The following PVT1 variants were observed in gnomAD, a reference collection of about 807,000 sequenced individuals.
PVT1 encodes Pvt1 oncogene, also known as CXCR4/PVT1 fusion.
At chr8:127,919,789 T>C (rs1816035238) in intron 3 of PVT1, among the ~76,000 whole-genome samples, 1 of 152,196 alleles carries the variant, frequency 6.6e-6, no homozygotes, top group South Asian at 2.1e-4. Flanking sequence ...AAGGAAAGCC[T>C]CCAAGCCCTC....
chr8:127,986,278 G>A (rs543038119), intron 3 of PVT1, among the ~76,000 whole-genome samples: 1 of 152,312 alleles, frequency 6.6e-6, no homozygotes, highest in Admixed American at 6.5e-5. Context: ...CGAACCTCCT[G>A]GGAGCCTTGG....
At chr8:127,872,992 G>A (rs1815369011) in intron 2 of PVT1, among the ~76,000 whole-genome samples, 1 of 152,188 alleles carries the variant, frequency 6.6e-6, no homozygotes, top group South Asian at 2.1e-4. Flanking sequence ...CCACTGAGCT[G>A]CTCTCTCCTA....
At chr8:127,856,275 G>A (rs1234814150) in intron 2 of PVT1, among the ~76,000 whole-genome samples, 1 of 151,938 alleles carries the variant, frequency 6.6e-6, no homozygotes, top group Non-Finnish European at 1.5e-5. Flanking sequence ...TGGGTGTCCT[G>A]GGAAGGCTTT....
At chr8:128,043,850 T>TTTTTA (rs1563673938) in intron 4 of PVT1, among the ~76,000 whole-genome samples, 2 of 146,820 alleles carry the variant, frequency 1.4e-5, no homozygotes, top group African/African-American at 5.0e-5. Context: ...TTTTTTTTTT[T>TTTTTA]AAAGACAGGG....
chr8:127,896,065 A>G (rs1047673049), intron 3 of PVT1, among the ~76,000 whole-genome samples: 3 of 152,342 alleles, frequency 2.0e-5, no homozygotes, highest in East Asian at 3.9e-4. Flanking sequence ...ACAAGATGCA[A>G]TATTTCTGTG....
chr8:127,819,626 C>A (rs577904414), intron 2 of PVT1, among the ~76,000 whole-genome samples: 2 of 152,240 alleles, frequency 1.3e-5, no homozygotes, highest in African/African-American at 2.4e-5. Context: ...ATGTGCAATG[C>A]GGAAGAGCCT....
intron 3 of PVT1, among the ~76,000 whole-genome samples, chr8:127,966,567 A>C (rs1229284521): frequency 2.0e-5 from 3 of 152,180 alleles, no homozygotes; most frequent in African/African-American, 7.2e-5. Flanking sequence ...AGCAGTGAAG[A>C]GCTTTCTGTA....
intron 4 of PVT1, among the ~76,000 whole-genome samples, chr8:128,021,038 C>A (rs1168712782): frequency 6.6e-6 from 1 of 152,092 alleles, no homozygotes; most frequent in Non-Finnish European, 1.5e-5. Context: ...TATTTCAGAC[C>A]CCCTGGGATG....
intron 3 of PVT1, among the ~76,000 whole-genome samples, chr8:127,956,497 G>GT (rs1816570394): frequency 1.3e-5 from 2 of 152,216 alleles, no homozygotes; most frequent in East Asian, 1.9e-4. Context: ...TTCTGTTTTT[G>GT]TTTTTTGAGA....
intron 4 of PVT1, among the ~76,000 whole-genome samples, chr8:128,039,012 G>A (rs1180364317): frequency 6.6e-6 from 1 of 152,184 alleles, no homozygotes; most frequent in Non-Finnish European, 1.5e-5. Context: ...GGAGGCAGAA[G>A]GAAGGGGAGG....
At chr8:127,817,401 A>AT (rs1295503292) in intron 2 of PVT1, among the ~76,000 whole-genome samples, 1 of 125,896 alleles carries the variant, frequency 7.9e-6, no homozygotes, top group Non-Finnish European at 1.6e-5. Flanking sequence ...AATATATATT[A>AT]AATAATATAT....
At chr8:128,012,396 T>C (rs1243504121) in intron 4 of PVT1, among the ~76,000 whole-genome samples, 1 of 152,330 alleles carries the variant, frequency 6.6e-6, no homozygotes, top group Non-Finnish European at 1.5e-5. Context: ...CAATATCCCC[T>C]TTAATGCTCA....
intron 4 of PVT1, among the ~76,000 whole-genome samples, chr8:128,025,420 C>T (rs1432829328): frequency 6.6e-6 from 1 of 152,158 alleles, no homozygotes; most frequent in Non-Finnish European, 1.5e-5. Context: ...GCAATGTGCA[C>T]AGAACAAACA....
At chr8:127,884,407 T>C (rs540240448) in intron 2 of PVT1, among the ~76,000 whole-genome samples, 18 of 152,240 alleles carry the variant, frequency 1.2e-4, no homozygotes, top group Non-Finnish European at 2.5e-4. Flanking sequence ...TGTTTGGCTG[T>C]TATGAATAGA....
chr8:127,892,100 C>T (rs993745505), intron 3 of PVT1, among the ~76,000 whole-genome samples: 2 of 152,268 alleles, frequency 1.3e-5, no homozygotes, highest in East Asian at 1.9e-4. Context: ...ACAGTTGGGG[C>T]GGGGCCTTGA....
chr8:127,987,906 G>A (rs1816987558), intron 3 of PVT1, among the ~76,000 whole-genome samples: 1 of 152,250 alleles, frequency 6.6e-6, no homozygotes, highest in South Asian at 2.1e-4. Flanking sequence ...TGCGTGCCTA[G>A]CTAGTCAAGG....
At chr8:127,926,771 T>A (rs1816135288) in intron 3 of PVT1, among the ~76,000 whole-genome samples, 1 of 152,172 alleles carries the variant, frequency 6.6e-6, no homozygotes, top group Non-Finnish European at 1.5e-5. Flanking sequence ...CTGAGTCCCC[T>A]CTGATGATGT....
At chr8:127,862,856 C>T (rs1815242892) in intron 2 of PVT1, among the ~76,000 whole-genome samples, 1 of 152,008 alleles carries the variant, frequency 6.6e-6, no homozygotes, top group African/African-American at 2.4e-5. Flanking sequence ...ATTTTTTTCT[C>T]ATTGATTTGT....
At chr8:128,028,049 G>A (rs753989013) in intron 4 of PVT1, among the ~76,000 whole-genome samples, 2 of 152,118 alleles carry the variant, frequency 1.3e-5, no homozygotes, top group African/African-American at 2.4e-5. Flanking sequence ...CCTGCCCTCC[G>A]TCCCGCCACG....
Sources: allele counts gnomAD v4.1 joint callset (sites outside exome capture counted in the v4.1 genomes callset), GRCh38; gene constraint gnomAD v4.1.1; transcripts MANE v1.5; gene names NCBI Gene and HGNC (gene_info 2026-07-23, HGNC 2026-07-21).